The following PLCB2 variants were observed in gnomAD, a reference collection of about 807,000 sequenced individuals.
PLCB2 encodes the protein phospholipase C beta 2.
Under a neutral mutation model 141.7 loss-of-function variants are expected in PLCB2, and 115 were observed. The observed-to-expected ratio is 0.81, with a 90% CI of 0.70 to 0.95. The LOEUF (loss-of-function observed/expected upper bound fraction) is 0.95. Ranked by LOEUF, PLCB2 falls within the 40% of genes least tolerant of loss-of-function variation. PLCB2 has a pLI of 0.00. For synonymous variants in PLCB2, 603 were observed against 595.6 expected, an observed-to-expected ratio of 1.01 and a Z score of -0.18; for missense variants, 1,403 against 1,541.1, an observed-to-expected ratio of 0.91 and a Z score of 1.50.
In PLCB2 at chr15:40,292,129, T is replaced by G. The variant is rs755850755; in HGVS notation, c.2461A>C (p.Lys821Gln). 6.2e-7 allele frequency: 1 copy of G among 1,614,142 alleles called. No homozygotes were observed. The highest frequency in any genetic ancestry group is 1.1e-5 in the South Asian group (1 of 91,084). ...TTCGTGTCATGGGCACTGAAGAACT[T>G]AATGGGGTTGGCGAGGGCCACAGTG... is the stretch of plus-strand genomic sequence containing the variant. ...DLTVALANPI[K>Q]FFSAHDTKSV... Residue 821 changes from lysine to glutamine, a missense_variant, in exon 23 of 32, where the codon AAG becomes CAG. By Grantham distance (53) the Lys-to-Gln change is moderately conservative. Coordinates refer to ENST00000260402, the MANE Select transcript of PLCB2 (RefSeq NM_004573.3).
chr15:40,305,238 T>A (rs1206806977), intron 1 of PLCB2, among the ~76,000 whole-genome samples: 3 of 151,804 alleles, frequency 2.0e-5, no homozygotes, highest in African/African-American at 7.3e-5. Context: ...TGTGGGTTTG[T>A]TACATAGTAT....
At chr15:40,287,151 G>A (rs995298562), downstream of PLCB2, among the ~76,000 whole-genome samples, 3 of 152,138 alleles carry the variant, frequency 2.0e-5, no homozygotes, top group Non-Finnish European at 2.9e-5. Flanking sequence ...CTGCCCCAGC[G>A]TATCCAGTCT....
At position 40,297,162 on chromosome 15, in the gene PLCB2, A is replaced by G. The variant is rs1241544698; in HGVS notation, c.1324-254T>C. Among the ~76,000 whole-genome samples the G allele has an allele frequency of 6.6e-6, 1 of 152,110 alleles. No individual in the cohort carries two copies. Among genetic ancestry groups the G allele is most frequent in the African/African-American group, 2.4e-5 (1 of 41,408 alleles). On this transcript the variant is annotated intron_variant, in intron 13 of 31. Coordinates refer to ENST00000260402, the MANE Select transcript of PLCB2 (RefSeq NM_004573.3). This position sits in a 1 kb window ranked among gnomAD's most constrained non-coding sequence, Gnocchi z 4.2. ...GCCATCTGCACCAGGAGGACCTAAC[A>G]GGCTACTCTAGGAGCCCTGTCCATC...
Position 40,288,799 on chromosome 15 carries a change from A to C in PLCB2, c.3474T>G (p.Pro1158=), listed in dbSNP as rs1566867274. The stretch of plus-strand genomic sequence containing the variant: ...CTGGGGGGCACTCGCAGGCCCTCTC[A>C]GGCTTGTCCTTGGCCTCGGAGGGAA... ...TCFPSEAKDK[P]ERACECPPEL... The change falls in exon 32 of 32, where the codon CCT becomes CCG. Residue 1158 remains proline (P), a synonymous_variant. Coordinates refer to ENST00000260402, the MANE Select transcript of PLCB2 (RefSeq NM_004573.3). 2 of 1,613,828 alleles carry C rather than the reference A, an allele frequency of 1.2e-6. No homozygotes were observed.
rs1441515531 is a variant in PLCB2, at chr15:40,290,036, C to T, written c.3256G>A (p.Val1086Met). 1.2e-6 allele frequency: 2 copies of T among 1,602,436 alleles called. No individual in the cohort carries two copies. Among genetic ancestry groups the T allele is most frequent in the Admixed American group, 1.7e-5 (1 of 59,948 alleles). ...CAGCCCTTACACACCTGCTTGATCA[C>T]CTGCACTACTTCCTGGATGTGGGAG... ...NNSHIQEVVQ[V>M]IKQMTENLER... Residue 1086 changes from valine (V) to methionine (M), a missense_variant, in exon 30 of 32, where the codon GTG becomes ATG. By Grantham distance (21) the Val-to-Met change is conservative. This residue lies in a region of PLCB2 where 132 missense variants were observed against 132.4 expected (regional missense o/e 1.00). Transcript: ENST00000260402.
At chr15:40,307,416 A>C (rs1218349885) in intron 1 of PLCB2, among the ~76,000 whole-genome samples, 173 bp downstream of exon 1, 3 of 151,888 alleles carry the variant, frequency 2.0e-5, no homozygotes, top group Non-Finnish European at 4.4e-5. Flanking sequence ...GGGGACATAC[A>C]CCCTTAATCC....
In PLCB2 at chr15:40,288,725, C is replaced by T. The variant is rs1393325666; in HGVS notation, c.3548G>A (p.Ser1183Asn). ...PLIAKADAQE[S>N]RL Reference sequence around the variant, plus strand: ...AGTGGGATGGGGGCATCAGAGGCGGCTCTCCTGGGCATCTGCCTTTGCTAT... The same window carrying T: ...AGTGGGATGGGGGCATCAGAGGCGGTTCTCCTGGGCATCTGCCTTTGCTAT... The change falls in exon 32 of 32, where the codon AGC becomes AAC. Residue 1183 changes from serine to asparagine, a missense_variant. This residue lies in a region of PLCB2 where 132 missense variants were observed against 132.4 expected (regional missense o/e 1.00). Coordinates refer to ENST00000260402, the MANE Select transcript of PLCB2 (RefSeq NM_004573.3). The T allele has an allele frequency of 6.3e-7, 1 of 1,587,794 alleles. No individual in the cohort carries two copies. Among genetic ancestry groups the T allele is most frequent in the East Asian group, 2.3e-5 (1 of 44,208 alleles).
rs2039647635 is a variant in PLCB2 at position 40,287,963 on chromosome 15, A to C, written c.*752T>G. On this transcript the variant is annotated 3_prime_UTR_variant, in exon 32 of 32. Coordinates refer to ENST00000260402, the MANE Select transcript of PLCB2 (RefSeq NM_004573.3). The stretch of plus-strand genomic sequence containing the variant: ...GGAAAGAGAAAAATAAATAAACCTC[A>C]TAAATTCAGGAGAGCAAATGATGCT... 4.1e-6 allele frequency: 4 copies of C among 984,402 alleles called. No homozygotes were observed. The highest frequency in any genetic ancestry group is 3.6e-6 in the Non-Finnish European group (3 of 829,020). 61.0% of individuals were successfully genotyped at this position (984,402 alleles called of 1,614,324 possible). A position where few individuals can be genotyped will look rare whatever the true frequency, so the allele number is the denominator to read the frequency against.
Position 40,291,267 on chromosome 15 carries a change from C to G in PLCB2, c.2868G>C (p.Lys956Asn), listed in dbSNP as rs904164768. The change falls in exon 26 of 32, where the codon AAG (lysine) becomes AAC (asparagine). Residue 956 changes from lysine to asparagine, a missense_variant and splice_region_variant. This residue lies in a region of PLCB2 where 290 missense variants were observed against 245.9 expected (regional missense o/e 1.18). Coordinates refer to ENST00000260402, the MANE Select transcript of PLCB2 (RefSeq NM_004573.3). ...CAGGGCACCGCCACGAGCCTTACCT[C>G]TTCTTGCGAGAGCCCTTGCCGGGAC... Reference protein sequence around the residue: ...KLGPGKGSRKKRSLPREESAG... With the variant: ...KLGPGKGSRKNRSLPREESAG... The G allele has an allele frequency of 1.2e-5, 19 of 1,570,028 alleles. No individual in the cohort carries two copies. The highest frequency in any genetic ancestry group is 1.6e-5 in the Non-Finnish European group (19 of 1,166,596).
At chr15:40,289,536 T>C in intron 30 of PLCB2, 178 bp from the exon 31 acceptor site, 2 of 615,716 alleles carry the variant, frequency 3.2e-6, no homozygotes, top group Non-Finnish European at 5.8e-6. Flanking sequence ...CTGTAAAAGA[T>C]TATACAAGAC....
At position 40,294,996 on chromosome 15, in the gene PLCB2, T is replaced by C. The variant is rs760801041; in HGVS notation, c.1846A>G (p.Met616Val). Residue 616 changes from methionine (M) to valine (V), a missense_variant, in exon 18 of 32, where the codon ATG (methionine) becomes GTG (valine). By Grantham distance (21) the Met-to-Val change is conservative (BLOSUM62 1). Coordinates refer to ENST00000260402, the MANE Select transcript of PLCB2 (RefSeq NM_004573.3). ...CCAGCATTCCAGAACATCTGGGGCA[T>C]GTAGTTGGAGGAGTCCATGCGGGTT... is the stretch of plus-strand genomic sequence containing the variant. The part of the protein sequence containing the change: ...KGTRMDSSNY[M>V]PQMFWNAGCQ... 9.3e-6 allele frequency: 15 copies of C among 1,614,046 alleles called. No homozygotes were observed. The highest frequency in any genetic ancestry group is 1.3e-5 in the Non-Finnish European group (15 of 1,179,964).
In PLCB2 at chr15:40,302,295, A is replaced by C. The variant is rs1381205510; in HGVS notation, c.427T>G (p.Ser143Ala). Reference protein sequence around the residue: ...LVKHPLTANASRSTFLDKILV... With the variant: ...LVKHPLTANAARSTFLDKILV... ...ATCTTGTCCAGGAAGGTGCTGCGGG[A>C]GGCGTTGGCCGTCAGCGGATGTTTG... Residue 143 changes from serine (S) to alanine (A), a missense_variant, in exon 5 of 32, where the codon TCC (serine) becomes GCC (alanine). Ser to Ala is a moderately conservative substitution (Grantham distance 99). Coordinates refer to ENST00000260402, the MANE Select transcript of PLCB2 (RefSeq NM_004573.3). 1.2e-6 allele frequency: 2 copies of C among 1,614,048 alleles called. No individual in the cohort carries two copies. The highest frequency in any genetic ancestry group is 8.5e-7 in the Non-Finnish European group (1 of 1,180,006).
downstream of PLCB2, chr15:40,285,458 G>T (rs2039597583): frequency 4.7e-6 from 4 of 851,774 alleles, no homozygotes; most frequent in Non-Finnish European, 5.7e-6. Flanking sequence ...GTCAGGGAAA[G>T]AGCTGCATAG....
At position 40,290,558 on chromosome 15, in the gene PLCB2, C is replaced by G. The variant is rs571660582; in HGVS notation, c.3209+19G>C. 2 of 1,583,558 alleles carry G rather than the reference C, an allele frequency of 1.3e-6. No homozygotes were observed. Among genetic ancestry groups the G allele is most frequent in the African/African-American group, 2.7e-5 (2 of 74,438 alleles). On this transcript the variant is annotated intron_variant, in intron 29 of 31. Transcript: ENST00000260402. ...GAAGTGGGGTCTGCCCAGCCCTGGG[C>G]CTCCCCTCCAGGGCTCACCTCTCCT...
intron 4 of PLCB2, 29 bp from the exon 5 acceptor site, chr15:40,302,378 G>C (rs1353988514): frequency 6.2e-7 from 1 of 1,612,836 alleles, no homozygotes; most frequent in East Asian, 2.2e-5. Flanking sequence ...CAGCGGTCAG[G>C]CTCCTGAGCA....
chr15:40,293,546 G>T lies in PLCB2; in HGVS notation c.2226+14C>A, dbSNP rs755804612. ...AACTAGACAGACTCTGCCCTGCCAT[G>T]CCCTGGCCCCCACCTTCTCAAAGAC... On this transcript the variant is annotated intron_variant, in intron 20 of 31. Transcript: ENST00000260402. 6.8e-6 allele frequency: 11 copies of T among 1,611,914 alleles called. No individual in the cohort carries two copies. In the East Asian group the frequency reaches 2.2e-4, roughly 33 times the overall value.
chr15:40,301,290 G>T, intron 7 of PLCB2: 1 of 503,246 alleles, frequency 2.0e-6, no homozygotes, highest in Non-Finnish European at 3.6e-6. Context: ...CCACACAAGA[G>T]CACTGGCCAA....
At chr15:40,300,081 G>A (rs777998297) in intron 7 of PLCB2, among the ~76,000 whole-genome samples, 5 of 152,180 alleles carry the variant, frequency 3.3e-5, no homozygotes, top group East Asian at 1.9e-4. Context: ...TTGGGAGGCC[G>A]AGGAGGGTGG....
At chr15:40,293,468 AAGGTCAAGG>A in intron 20 of PLCB2, 83 bp downstream of exon 20, 7 of 1,247,834 alleles carry the variant, frequency 5.6e-6, no homozygotes, top group Non-Finnish European at 8.0e-6. Flanking sequence ...GAGGAGGAGG[AAGGTCAAGG>A]AGCTGCCTTG....
Sources: allele counts gnomAD v4.1 joint callset (sites outside exome capture counted in the v4.1 genomes callset), GRCh38; gene constraint gnomAD v4.1.1; regional missense constraint gnomAD v4.1.1; non-coding constraint Gnocchi (gnomAD v3.1); transcripts MANE v1.5; gene names NCBI Gene and HGNC (gene_info 2026-07-23, HGNC 2026-07-21).